Variants in TRIM35 observed in about 807,000 individuals in gnomAD.
The protein encoded by TRIM35 is E3 ubiquitin-protein ligase TRIM35.
TRIM35 carries 37 observed loss-of-function variants against 49.1 expected under a neutral mutation model. The observed-to-expected ratio is 0.75, with a 90% confidence interval of 0.58 to 0.99. TRIM35 has a LOEUF of 0.99. Ranked by LOEUF, TRIM35 falls within the 50% of genes least tolerant of loss-of-function variation. The pLI is 0.00. For synonymous variants in TRIM35, 302 were observed against 289.3 expected (o/e 1.04, Z -0.45); for missense variants, 648 against 702.7 (o/e 0.92, Z 0.88).
rs116172987 is a variant in TRIM35 at position 27,296,421 on chromosome 8, C to T, written c.531+2043G>A. Among the ~76,000 whole-genome samples the T allele has an allele frequency of 2.1e-3, 319 of 152,312 alleles. 3 individuals carry two copies. Among genetic ancestry groups the T allele is most frequent in the African/African-American group, 7.0e-3 (293 of 41,572 alleles). On this transcript the variant is annotated intron_variant, in intron 2 of 5. Coordinates refer to ENST00000305364, the MANE Select transcript of TRIM35 (RefSeq NM_171982.5). ...CCTGCCCACTCACCGTGGGCAATGA[C>T]GGCCTCACTGTAAAGGAACAAACAC...
chr8:27,297,229 C>A (rs1802588017), intron 2 of TRIM35, among the ~76,000 whole-genome samples: 1 of 152,146 alleles, frequency 6.6e-6, no homozygotes, highest in Admixed American at 6.5e-5. Flanking sequence ...GTGGAGGGGA[C>A]CGCAGGCTCC....
intron 2 of TRIM35, among the ~76,000 whole-genome samples, chr8:27,297,480 AC>A (rs1182667665): frequency 1.2e-4 from 19 of 152,326 alleles, no homozygotes; most frequent in African/African-American, 4.3e-4. Context: ...GTTATTGGTC[AC>A]CTACCCACTT....
chr8:27,299,385 A>G (rs189022557), intron 1 of TRIM35, among the ~76,000 whole-genome samples: 1 of 152,318 alleles, frequency 6.6e-6, no homozygotes, highest in Non-Finnish European at 1.5e-5. Context: ...ATAAATGGTT[A>G]TCATTTATTC....
intron 1 of TRIM35, among the ~76,000 whole-genome samples, chr8:27,301,068 C>CT (rs1241730330): frequency 6.6e-6 from 1 of 152,166 alleles, no homozygotes; most frequent in Non-Finnish European, 1.5e-5. Context: ...TTCTGGTTTC[C>CT]TTCAGAAAAG....
chr8:27,287,883 GC>G lies in TRIM35; in HGVS notation c.1148del (p.Gly383AlafsTer29). ...VRVRQDSGAE[G>X]HSHSCYHDTR... ...TGTCGTGGTAGCAGCTGTGTGAGTG[GC>G]CCTCAGCGCCCGAGTCCTGGCGCAC... On this transcript the variant is annotated frameshift_variant, in exon 6 of 6. Transcript: ENST00000305364. LOFTEE classifies it high-confidence loss of function. The surrounding 1 kb of genome is among the most constrained non-coding windows in gnomAD (Gnocchi z 6.0). 6.2e-7 allele frequency: 1 copy of G among 1,613,128 alleles called. No individual in the cohort carries two copies. Among genetic ancestry groups the G allele is most frequent in the Non-Finnish European group, 8.5e-7 (1 of 1,179,848 alleles).
At chr8:27,309,827 T>TA (rs34068211) in intron 1 of TRIM35, among the ~76,000 whole-genome samples, 17,277 of 140,122 alleles carry the variant, frequency 0.12, 1,276 homozygotes, top group African/African-American at 0.2. Flanking sequence ...TACTAGAAAT[T>TA]AAAAAAAAAA....
rs1802285083 is a variant in TRIM35, at chr8:27,285,172, A to G, written c.*2378T>C. ...AACCAAAATCACAATGAGATGCCAC[A>G]TTACCCCTACTAGGATGGCTAAGTT... On this transcript the variant is annotated 3_prime_UTR_variant, in exon 6 of 6. Transcript: ENST00000305364. The G allele has an allele frequency of 6.6e-6, 1 of 152,220 alleles. No homozygotes were observed. The allele number at this position is 152,220 out of a possible 1,614,324, so 9.4% of individuals were successfully genotyped here.
intron 2 of TRIM35, among the ~76,000 whole-genome samples, chr8:27,294,812 CAA>C (rs887279474): frequency 1.5e-5 from 2 of 132,192 alleles, no homozygotes; most frequent in Admixed American, 7.8e-5. Flanking sequence ...ATCACAACCA[CAA>C]AAAGTTTGTT....
At chr8:27,310,242 T>G (rs1037494988) in intron 1 of TRIM35, among the ~76,000 whole-genome samples, 43 of 152,192 alleles carry the variant, frequency 2.8e-4, no homozygotes, top group African/African-American at 1.0e-3. Flanking sequence ...GTATAGTCAC[T>G]AGAACTCTAG....
At chr8:27,288,500 G>A (rs1802385635) in intron 5 of TRIM35, among the ~76,000 whole-genome samples, 1 of 152,168 alleles carries the variant, frequency 6.6e-6, no homozygotes, top group African/African-American at 2.4e-5. Context: ...AAAGTGCTGA[G>A]GGGGAGCCAA....
intron 2 of TRIM35, among the ~76,000 whole-genome samples, chr8:27,296,386 A>T (rs867275639): frequency 2.0e-5 from 3 of 152,336 alleles, no homozygotes; most frequent in African/African-American, 7.2e-5. Context: ...CAGCAAGTGC[A>T]AGGTCAACTC....
chr8:27,308,331 C>G (rs764982527), intron 1 of TRIM35, among the ~76,000 whole-genome samples: 3 of 152,230 alleles, frequency 2.0e-5, no homozygotes, highest in Non-Finnish European at 4.4e-5. Context: ...ACAGTGAGCA[C>G]TGAAATGTGT....
rs764032258 is a variant in TRIM35, at chr8:27,311,000, A to G, written c.236T>C (p.Val79Ala). Residue 79 changes from valine (V) to alanine (A), a missense_variant, in exon 1 of 6, where the codon GTG becomes GCG. Coordinates refer to ENST00000305364, the MANE Select transcript of TRIM35 (RefSeq NM_171982.5). ...GGCCTCCTCGCGCAGCAGCTTCTCC[A>G]CCAGGTTGTTGAGGGTGTGGTTGGT... The part of the protein sequence containing the change: ...LRTNHTLNNL[V>A]EKLLREEAEG... The G allele has an allele frequency of 6.2e-7, 1 of 1,611,562 alleles. No homozygotes were observed. Among genetic ancestry groups the G allele is most frequent in the East Asian group, 2.2e-5 (1 of 44,804 alleles).
In TRIM35 at chr8:27,310,853, C is replaced by T. The variant is rs1458837843; in HGVS notation, c.383G>A (p.Arg128Gln). The T allele has an allele frequency of 3.1e-6, 5 of 1,609,412 alleles. No individual in the cohort carries two copies. In the African/African-American group the frequency reaches 6.7e-5, roughly 22 times the overall value. ...LLCCSCQADP[R>Q]HQGHRVQPVK... ...CGGCTGCACGCGGTGCCCCTGGTGT[C>T]GGGGGTCGGCCTGGCAGGAGCAGCA... Residue 128 changes from arginine (R) to glutamine (Q), a missense_variant, in exon 1 of 6, where the codon CGA (arginine) becomes CAA (glutamine). Coordinates refer to ENST00000305364, the MANE Select transcript of TRIM35 (RefSeq NM_171982.5).
intron 1 of TRIM35, among the ~76,000 whole-genome samples, chr8:27,300,267 C>T (rs758520531): frequency 2.6e-5 from 4 of 152,228 alleles, no homozygotes; most frequent in Non-Finnish European, 5.9e-5. Flanking sequence ...ACCTACAGCC[C>T]CTCATGACAG....
At chr8:27,299,753 T>C (rs1487172915) in intron 1 of TRIM35, among the ~76,000 whole-genome samples, 1 of 152,190 alleles carries the variant, frequency 6.6e-6, no homozygotes, top group African/African-American at 2.4e-5. Context: ...ATCTGGACTT[T>C]GGGCTGATGC....
rs142457667 is a variant in TRIM35 at position 27,301,271 on chromosome 8, C to T, written c.436-2712G>A. Among the ~76,000 whole-genome samples the T allele has an allele frequency of 5.0e-3, 761 of 152,304 alleles. 9 individuals are homozygous for T. The highest frequency in any genetic ancestry group is 0.018 in the African/African-American group (737 of 41,574). ...CCCTATAAGGTTAAGCACTGTGAGT[C>T]CCATTATACAGAGGATCAAGTTAGA... On this transcript the variant is annotated intron_variant, in intron 1 of 5. Transcript: ENST00000305364.
chr8:27,303,062 G>GT (rs1802711216), intron 1 of TRIM35, among the ~76,000 whole-genome samples: 1 of 152,074 alleles, frequency 6.6e-6, no homozygotes, highest in Non-Finnish European at 1.5e-5. Context: ...TTTGCTGTAA[G>GT]TTTTTTTGCT....
chr8:27,302,084 A>G (rs1802692461), intron 1 of TRIM35, among the ~76,000 whole-genome samples: 1 of 152,186 alleles, frequency 6.6e-6, no homozygotes, highest in African/African-American at 2.4e-5. Flanking sequence ...AAAAGAGAGG[A>G]TTTCTGATAG....
Sources: allele counts gnomAD v4.1 joint callset (sites outside exome capture counted in the v4.1 genomes callset), GRCh38; gene constraint gnomAD v4.1.1; non-coding constraint Gnocchi (gnomAD v3.1); transcripts MANE v1.5; gene names NCBI Gene and HGNC (gene_info 2026-07-23, HGNC 2026-07-21).